The following PIK3C2G variants were observed in gnomAD, a reference collection of about 807,000 sequenced individuals.
PIK3C2G encodes phosphatidylinositol-4-phosphate 3-kinase catalytic subunit type 2 gamma.
In PIK3C2G, 168 loss-of-function variants were observed where a neutral mutation model predicts 181.1. The ratio of observed to expected loss-of-function variants is 0.93; its 90% confidence interval spans 0.82 to 1.05. PIK3C2G has a LOEUF of 1.05. PIK3C2G is among the 50% of genes least tolerant of loss of function. PIK3C2G has a pLI of 0.00. For missense variants in PIK3C2G, 1,869 were observed against 1,732.8 expected, an observed-to-expected ratio of 1.08 and a Z score of -1.40; for synonymous variants, 573 against 592.2, an observed-to-expected ratio of 0.97 and a Z score of 0.47.
chr12:18,564,776 C>A (rs1009208288), intron 28 of PIK3C2G, among the ~76,000 whole-genome samples: 1 of 152,028 alleles, frequency 6.6e-6, no homozygotes, highest in Admixed American at 6.6e-5. Flanking sequence ...GCTGCAAATA[C>A]CACATTCAAC....
intron 18 of PIK3C2G, among the ~76,000 whole-genome samples, chr12:18,476,838 C>A (rs1156481164): frequency 6.6e-6 from 1 of 151,044 alleles, no homozygotes; most frequent in East Asian, 1.9e-4. Context: ...TTTAAGTGTG[C>A]TATCTTATAA....
intron 22 of PIK3C2G, among the ~76,000 whole-genome samples, chr12:18,500,932 C>A (rs543279129): frequency 2.0e-5 from 3 of 152,188 alleles, no homozygotes; most frequent in South Asian, 4.1e-4. Context: ...ACGAACCCAC[C>A]GGGAGGAACG....
intron 8 of PIK3C2G, 54 bp from the exon 9 acceptor site, chr12:18,338,372 A>G: frequency 7.5e-7 from 1 of 1,325,032 alleles, no homozygotes. Flanking sequence ...GGATAAATTA[A>G]TGTCCCCTCA....
chr12:18,296,142 C>G (rs920651270), intron 5 of PIK3C2G, among the ~76,000 whole-genome samples: 1 of 151,936 alleles, frequency 6.6e-6, no homozygotes, highest in Non-Finnish European at 1.5e-5. Flanking sequence ...TGTTATATTG[C>G]TATATTAGTT....
intron 4 of PIK3C2G, among the ~76,000 whole-genome samples, chr12:18,292,227 A>AAAAAAAAAAAAAAAAAAAT: frequency 2.1e-5 from 1 of 48,734 alleles, no homozygotes; most frequent in African/African-American, 1.1e-4. Flanking sequence ...AAAAAAAAAA[A>AAAAAAAAAAAAAAAAAAAT]ATATATATAT....
In PIK3C2G at chr12:18,445,421, T is replaced by TAA. The variant is rs11427292; in HGVS notation, c.2504+21392_2504+21393dup. On this transcript the variant is annotated intron_variant, in intron 18 of 32. Coordinates refer to ENST00000538779, the MANE Select transcript of PIK3C2G (RefSeq NM_001288772.2). The stretch of plus-strand genomic sequence containing the variant: ...TTTCACCTATCAGATTGGCAAAAAT[T>TAA]AAAAAAAAAAATTGGTGGCAGCCTA... Among the ~76,000 whole-genome samples the TAA allele has an allele frequency of 7.5e-3, 1,110 of 148,850 alleles. 14 individuals are homozygous for TAA. Among genetic ancestry groups the TAA allele is most frequent in the African/African-American group, 0.026 (1,053 of 40,822 alleles).
intron 24 of PIK3C2G, among the ~76,000 whole-genome samples, chr12:18,529,957 C>T (rs965541298): frequency 6.6e-6 from 1 of 152,128 alleles, no homozygotes; most frequent in Non-Finnish European, 1.5e-5. Context: ...TGTCTCTGTT[C>T]TATGCACAGC....
chr12:18,689,155 A>G, the PIK3C2G span, among the ~76,000 whole-genome samples: 1 of 152,128 alleles, frequency 6.6e-6, no homozygotes, highest in Admixed American at 6.5e-5. Context: ...AGAAAGAACA[A>G]TGGCCATAAA....
chr12:18,570,336 G>GATATAGATAGATACATCTATA (rs1555132238), intron 29 of PIK3C2G, among the ~76,000 whole-genome samples: 11 of 150,924 alleles, frequency 7.3e-5, no homozygotes, highest in African/African-American at 1.7e-4. Context: ...AGCCTCCCCA[G>GATATAGATAGATACATCTATA]TAGCTGGGAT....
At chr12:18,637,873 T>G (rs777125630) in intron 31 of PIK3C2G, among the ~76,000 whole-genome samples, 1 of 152,222 alleles carries the variant, frequency 6.6e-6, no homozygotes, top group Non-Finnish European at 1.5e-5. Flanking sequence ...TGTCCACCTT[T>G]TGGTCCATGT....
chr12:18,354,327 G>T (rs918512583), intron 11 of PIK3C2G, among the ~76,000 whole-genome samples: 1 of 152,178 alleles, frequency 6.6e-6, no homozygotes, highest in Admixed American at 6.5e-5. Flanking sequence ...CTTGTCTAGG[G>T]TATTTCTAGG....
intron 18 of PIK3C2G, among the ~76,000 whole-genome samples, chr12:18,465,248 T>G (rs1314156849): frequency 6.6e-6 from 1 of 151,968 alleles, no homozygotes; most frequent in African/African-American, 2.4e-5. Flanking sequence ...TTATGTGTGT[T>G]TCCATCTTAG....
intron 14 of PIK3C2G, among the ~76,000 whole-genome samples, chr12:18,387,461 T>C (rs1943245816): frequency 6.6e-6 from 1 of 152,154 alleles, no homozygotes; most frequent in South Asian, 2.1e-4. Context: ...GTTTCTGACA[T>C]GCACTGTCTT....
intron 24 of PIK3C2G, among the ~76,000 whole-genome samples, chr12:18,517,766 A>G (rs1204867172): frequency 6.6e-6 from 1 of 152,082 alleles, no homozygotes; most frequent in Non-Finnish European, 1.5e-5. Context: ...TTCCAATACT[A>G]TGTTGAATAG....
chr12:18,542,672 T>C (rs750500101), intron 25 of PIK3C2G, among the ~76,000 whole-genome samples: 12 of 151,950 alleles, frequency 7.9e-5, no homozygotes, highest in Non-Finnish European at 1.8e-4. Flanking sequence ...TGGTTTTCTG[T>C]TCCTGCATTA....
downstream of PIK3C2G, among the ~76,000 whole-genome samples, chr12:18,652,755 A>G (rs1457095409): frequency 6.6e-6 from 1 of 152,152 alleles, no homozygotes; most frequent in Non-Finnish European, 1.5e-5. Flanking sequence ...TTACATGTAT[A>G]TTTTATTTGT....
intron 5 of PIK3C2G, among the ~76,000 whole-genome samples, chr12:18,302,912 T>C (rs188717647): frequency 2.0e-5 from 3 of 151,980 alleles, no homozygotes; most frequent in South Asian, 4.2e-4. Flanking sequence ...TGCACATGCA[T>C]GGCTGGGTGG....
intron 31 of PIK3C2G, among the ~76,000 whole-genome samples, chr12:18,613,698 C>T (rs866403251): frequency 2.5e-4 from 38 of 152,026 alleles, no homozygotes; most frequent in African/African-American, 8.9e-4. Context: ...TTCTAGACTT[C>T]TTTCCTCTCT....
chr12:18,670,311 CA>C, the PIK3C2G span, among the ~76,000 whole-genome samples: 1 of 151,704 alleles, frequency 6.6e-6, no homozygotes, highest in Non-Finnish European at 1.5e-5. Flanking sequence ...CACACACACA[CA>C]ACATCAGAAA....
Sources: allele counts gnomAD v4.1 joint callset (sites outside exome capture counted in the v4.1 genomes callset), GRCh38; gene constraint gnomAD v4.1.1; transcripts MANE v1.5; gene names NCBI Gene and HGNC (gene_info 2026-07-23, HGNC 2026-07-21).